Variants in TGS1 observed in about 807,000 individuals in gnomAD.
The protein encoded by TGS1 is trimethylguanosine synthase 1.
TGS1 carries 69 observed loss-of-function variants against 92.2 expected under a neutral mutation model. The ratio of observed to expected loss-of-function variants is 0.75; its 90% confidence interval spans 0.62 to 0.91. The LOEUF is 0.91. Ranked by LOEUF, TGS1 falls within the 40% of genes least tolerant of loss-of-function variation. The pLI, the probability that TGS1 is intolerant of heterozygous loss-of-function variation, is 0.00. For synonymous variants in TGS1, 345 were observed against 338.1 expected (o/e 1.02, Z -0.22); for missense variants, 1,062 against 1,001.2 (o/e 1.06, Z -0.82).
intron 9 of TGS1, 109 bp from the exon 10 acceptor site, chr8:55,804,784 G>T (rs1297456662): frequency 2.1e-6 from 2 of 946,806 alleles, no homozygotes; most frequent in African/African-American, 1.7e-5. Context: ...TTTAAAAAGG[G>T]AAACTAAGCT....
chr8:55,825,617 G>A lies in TGS1; in HGVS notation c.*914G>A, dbSNP rs1803773703. Among the ~76,000 whole-genome samples, 1 of 151,924 alleles carries A rather than the reference G, an allele frequency of 6.6e-6. No individual in the cohort carries two copies. Among genetic ancestry groups the A allele is most frequent in the Admixed American group, 6.6e-5 (1 of 15,236 alleles). On this transcript the variant is annotated 3_prime_UTR_variant, in exon 13 of 13. Coordinates refer to ENST00000260129, the MANE Select transcript of TGS1 (RefSeq NM_024831.8). ...ATTAAACAGAACATGATACTGGCTG[G>A]GATAAGATTAGAGAATTGAAACAAA...
chr8:55,793,990 C>T (rs560320395), intron 6 of TGS1, among the ~76,000 whole-genome samples: 5 of 152,130 alleles, frequency 3.3e-5, no homozygotes, highest in African/African-American at 4.8e-5. Flanking sequence ...CTCCAGTTTG[C>T]TTTTCTCCCT....
chr8:55,790,201 A>T lies in TGS1; in HGVS notation c.1182A>T (p.Gly394=). ...CTTTAGATTCACAGAAGTCTTCAGG[A>T]GCAAACACAAGCAAAGACAGACCAC... is the stretch of plus-strand genomic sequence containing the variant. ...PPAEDSQKSS[G]ANTSKDRPHA... is the part of the protein sequence containing the mutation. The change falls in exon 5 of 13, where the codon GGA becomes GGT. Residue 394 remains glycine (G), a synonymous_variant. Transcript: ENST00000260129. 1 of 1,613,990 alleles carries T rather than the reference A, an allele frequency of 6.2e-7. No homozygotes were observed. Among genetic ancestry groups the T allele is most frequent in the Non-Finnish European group, 8.5e-7 (1 of 1,179,874 alleles).
In TGS1 at chr8:55,802,605, A is replaced by G. The variant is rs1812249860; in HGVS notation, c.1998A>G (p.Arg666=). Residue 666 remains arginine (R), a splice_region_variant and synonymous_variant, in exon 9 of 13, where the codon AGA becomes AGG. Transcript: ENST00000260129. ...TTGATGATGGGATTAAGTTGGACAG[A>G]GGTAAAGTATATATGTATTTTTTAG... The part of the protein sequence containing the change: ...SRFDDGIKLD[R]EGWFSVTPEK... 1.9e-6 allele frequency: 3 copies of G among 1,605,026 alleles called. No homozygotes were observed. Among genetic ancestry groups the G allele is most frequent in the Middle Eastern group, 1.7e-4 (1 of 6,016 alleles).
rs111746155 is a variant in TGS1, at chr8:55,785,360, G to A, written c.167-359G>A. On this transcript the variant is annotated intron_variant, in intron 2 of 12. Transcript: ENST00000260129. Reference sequence around the variant, plus strand: ...TGTGAGCCACCGTGCCCAGCATACCGTCAATTGTTTTTTTGTTTGTTTGTT... The same window carrying A: ...TGTGAGCCACCGTGCCCAGCATACCATCAATTGTTTTTTTGTTTGTTTGTT... Among the ~76,000 whole-genome samples, 206 of 152,084 alleles carry A rather than the reference G, an allele frequency of 1.4e-3. 1 individual carries two copies. Among genetic ancestry groups the A allele is most frequent in the African/African-American group, 4.4e-3 (182 of 41,498 alleles).
intron 10 of TGS1, 21 bp from the exon 11 acceptor site, chr8:55,810,860 T>G: frequency 6.3e-7 from 1 of 1,598,024 alleles, no homozygotes. Flanking sequence ...TTAACTCATT[T>G]TTTTCTTTTC....
At chr8:55,796,396 A>T (rs948839709) in intron 7 of TGS1, among the ~76,000 whole-genome samples, 1 of 152,146 alleles carries the variant, frequency 6.6e-6, no homozygotes, top group African/African-American at 2.4e-5. Context: ...GAGATTATTT[A>T]AAAAACGCAG....
chr8:55,793,429 G>A (rs955768899), intron 6 of TGS1, among the ~76,000 whole-genome samples: 4 of 152,014 alleles, frequency 2.6e-5, no homozygotes, highest in African/African-American at 4.8e-5. Context: ...GAGGTTGAGG[G>A]TGCTGTGATC....
chr8:55,821,788 G>A (rs1803644444), intron 12 of TGS1, among the ~76,000 whole-genome samples: 1 of 151,854 alleles, frequency 6.6e-6, no homozygotes, highest in Admixed American at 6.6e-5. Flanking sequence ...CAGGAGAATG[G>A]CATGAACCCA....
chr8:55,819,710 A>G (rs1448794940), intron 12 of TGS1, among the ~76,000 whole-genome samples: 2 of 152,152 alleles, frequency 1.3e-5, no homozygotes, highest in African/African-American at 2.4e-5. Context: ...GTGCAGAGAA[A>G]TGGAACTAAT....
chr8:55,815,218 CT>C (rs202183788), intron 12 of TGS1, among the ~76,000 whole-genome samples: 2,879 of 152,264 alleles, frequency 0.019, 45 homozygotes, highest in Middle Eastern at 0.054. Context: ...ATTTCAAAAA[CT>C]TTCCAGAATT....
At chr8:55,776,376 G>A (rs1811400081) in intron 1 of TGS1, among the ~76,000 whole-genome samples, 1 of 151,372 alleles carries the variant, frequency 6.6e-6, no homozygotes, top group Non-Finnish European at 1.5e-5. Context: ...CACCCCCTGG[G>A]TTCACGCCAT....
At chr8:55,778,101 A>G (rs192947659) in intron 1 of TGS1, among the ~76,000 whole-genome samples, 6 of 152,000 alleles carry the variant, frequency 3.9e-5, no homozygotes, top group South Asian at 2.1e-4. Context: ...GCGAAACCCC[A>G]TCTCTACTAA....
intron 10 of TGS1, among the ~76,000 whole-genome samples, chr8:55,806,746 A>T (rs1231675854): frequency 6.6e-6 from 1 of 152,202 alleles, no homozygotes; most frequent in East Asian, 1.9e-4. Context: ...ACATAAAGAG[A>T]TGAAATAACT....
At chr8:55,802,090 A>C (rs1812233466) in intron 8 of TGS1, among the ~76,000 whole-genome samples, 1 of 152,124 alleles carries the variant, frequency 6.6e-6, no homozygotes, top group Non-Finnish European at 1.5e-5. Context: ...GCTACTCGGG[A>C]GGCTGAGGCA....
At position 55,786,711 on chromosome 8, in the gene TGS1, T is replaced by C; in HGVS notation, c.813T>C (p.Asp271=). ...TFDASQSCDT[D]TYTSKTEADD... Reference sequence around the variant, plus strand: ...ATGCCTCGCAAAGCTGTGATACAGATACTTACACATCTAAAACAGAAGCTG... The same window carrying C: ...ATGCCTCGCAAAGCTGTGATACAGACACTTACACATCTAAAACAGAAGCTG... The change falls in exon 4 of 13, where the codon GAT becomes GAC. Residue 271 remains aspartate, a synonymous_variant. Coordinates refer to ENST00000260129, the MANE Select transcript of TGS1 (RefSeq NM_024831.8). The C allele has an allele frequency of 6.2e-7, 1 of 1,614,192 alleles. No individual in the cohort carries two copies. Among genetic ancestry groups the C allele is most frequent in the Non-Finnish European group, 8.5e-7 (1 of 1,180,026 alleles).
At chr8:55,818,257 A>G (rs765444841) in intron 12 of TGS1, among the ~76,000 whole-genome samples, 1 of 152,112 alleles carries the variant, frequency 6.6e-6, no homozygotes, top group South Asian at 2.1e-4. Flanking sequence ...TGCTCTCTGC[A>G]GCCTCCCAGA....
At chr8:55,773,802 TC>T in intron 1 of TGS1, 83 bp downstream of exon 1, 1 of 1,140,438 alleles carries the variant, frequency 8.8e-7, no homozygotes, top group Non-Finnish European at 1.3e-6. Flanking sequence ...TTGTAATTGA[TC>T]CCTGAAAGCA....
At chr8:55,821,240 C>A (rs923653042) in intron 12 of TGS1, among the ~76,000 whole-genome samples, 1 of 152,108 alleles carries the variant, frequency 6.6e-6, no homozygotes, top group African/African-American at 2.4e-5. Flanking sequence ...TTATCAGGAA[C>A]AATATTTGTT....
Sources: allele counts gnomAD v4.1 joint callset (sites outside exome capture counted in the v4.1 genomes callset), GRCh38; gene constraint gnomAD v4.1.1; transcripts MANE v1.5; gene names NCBI Gene and HGNC (gene_info 2026-07-23, HGNC 2026-07-21).